Variants in AKT3 observed in about 807,000 individuals in gnomAD.
AKT3 encodes AKT serine/threonine kinase 3, also known as RAC-gamma serine/threonine-protein kinase.
A neutral mutation model predicts 65.3 loss-of-function variants in AKT3; 15 were observed. The ratio of observed to expected loss-of-function variants is 0.23; its 90% confidence interval spans 0.15 to 0.35. The LOEUF (loss-of-function observed/expected upper bound fraction) is 0.35. Among genes scored for constraint, AKT3 ranks in the 10% least tolerant of loss-of-function variants. AKT3 has a pLI of 1.00. For synonymous variants in AKT3, 206 were observed against 183.8 expected, an observed-to-expected ratio of 1.12 and a Z score of -0.98; for missense variants, 243 against 576.5, an observed-to-expected ratio of 0.42 and a Z score of 5.92.
At chr1:243,786,914 TAAAG>T (rs1272344471) in intron 2 of AKT3, among the ~76,000 whole-genome samples, 4 of 151,868 alleles carry the variant, frequency 2.6e-5, no homozygotes, top group Non-Finnish European at 5.9e-5. Flanking sequence ...AAAAGGAAAT[TAAAG>T]AAGGCAAAAA....
Position 243,786,014 on chromosome 1 carries a change from CAA to C in AKT3, c.46+57109_46+57110del, listed in dbSNP as rs5782268. Among the ~76,000 whole-genome samples the C allele has an allele frequency of 3.0e-3, 450 of 152,328 alleles. 17 individuals are homozygous for C. In the East Asian group the frequency reaches 0.075, roughly 25 times the overall value. ...AGAAAGGCCTATGCTTTATGAGCTT[CAA>C]GGTAAATACCTCTGTCCAGATCATT... On this transcript the variant is annotated intron_variant, in intron 2 of 13. Coordinates refer to ENST00000673466, the MANE Select transcript of AKT3 (RefSeq NM_005465.7).
intron 2 of AKT3, among the ~76,000 whole-genome samples, chr1:243,721,557 T>C (rs1686908115): frequency 6.6e-6 from 1 of 152,126 alleles, no homozygotes; most frequent in Admixed American, 6.5e-5. Context: ...TATTTTGTTA[T>C]AGGAGTGTTG....
intron 8 of AKT3, among the ~76,000 whole-genome samples, chr1:243,605,047 C>G (rs907467912): frequency 2.6e-5 from 4 of 152,124 alleles, no homozygotes; most frequent in Admixed American, 6.6e-5. Context: ...TCTTTAGAGA[C>G]AGGGTCTCAC....
At chr1:243,793,132 T>G (rs1213648622) in intron 2 of AKT3, 3 of 152,172 alleles carry the variant, frequency 2.0e-5, no homozygotes, top group African/African-American at 7.2e-5. Flanking sequence ...ACTGCCTGAG[T>G]CCACTCTCTA....
At chr1:243,578,551 A>G (rs1398548658) in intron 8 of AKT3, among the ~76,000 whole-genome samples, 2 of 152,146 alleles carry the variant, frequency 1.3e-5, no homozygotes, top group African/African-American at 4.8e-5. Flanking sequence ...CAAGGGAGGG[A>G]GATCATCAGG....
rs1019369320 is a variant in AKT3 at position 243,843,407 on chromosome 1, A to C, written c.-112-125T>G. On this transcript the variant is annotated intron_variant, in intron 1 of 13. Transcript: ENST00000673466. The stretch of plus-strand genomic sequence containing the variant: ...ACCTCACATAAAAGTCTGGCTCTTC[A>C]AACTGGGGAACTTATTTATTAAATA... The C allele has an allele frequency of 5.3e-6, 6 of 1,136,218 alleles. No homozygotes were observed. The African/African-American group carries it at 9.5e-5, about 18-fold the overall frequency. The allele number at this position is 1,136,218 out of a possible 1,614,324, so 70.4% of individuals were successfully genotyped here.
chr1:243,545,242 TAAAG>T (rs932818393), intron 12 of AKT3, among the ~76,000 whole-genome samples: 1 of 152,060 alleles, frequency 6.6e-6, no homozygotes, highest in Non-Finnish European at 1.5e-5. Flanking sequence ...TTATTAAAAT[TAAAG>T]AAATAATGAG....
At position 243,662,473 on chromosome 1, in the gene AKT3, A is replaced by G. The variant is rs911914826; in HGVS notation, c.284+2299T>C. Among the ~76,000 whole-genome samples, 56 of 148,704 alleles carry G rather than the reference A, an allele frequency of 3.8e-4. No individual in the cohort carries two copies. In the Middle Eastern group the frequency reaches 0.014, roughly 37 times the overall value. The stretch of plus-strand genomic sequence containing the variant: ...TCGCAAGGACAAAAAACCAAACACC[A>G]CATATTCTCACTCATAGGTGGGAAC... On this transcript the variant is annotated intron_variant, in intron 4 of 13. Transcript: ENST00000673466.
intron 8 of AKT3, among the ~76,000 whole-genome samples, chr1:243,591,618 A>G (rs929350940): frequency 1.3e-5 from 2 of 152,198 alleles, no homozygotes; most frequent in African/African-American, 4.8e-5. Flanking sequence ...AGATATAATT[A>G]CACGAATACC....
At chr1:243,779,825 G>T (rs2148304064) in intron 2 of AKT3, among the ~76,000 whole-genome samples, 1 of 152,176 alleles carries the variant, frequency 6.6e-6, no homozygotes, top group Middle Eastern at 3.4e-3. Flanking sequence ...CTCAAAAATT[G>T]ATGGAGACAT....
At chr1:243,700,876 G>A (rs1294653363) in intron 2 of AKT3, among the ~76,000 whole-genome samples, 1 of 152,110 alleles carries the variant, frequency 6.6e-6, no homozygotes, top group Non-Finnish European at 1.5e-5. Context: ...CCACCTAAAA[G>A]ATCTGGATAG....
chr1:243,613,281 C>T (rs373464442), intron 8 of AKT3, among the ~76,000 whole-genome samples: 10 of 151,418 alleles, frequency 6.6e-5, no homozygotes, highest in Admixed American at 5.3e-4. Flanking sequence ...TATTGTTCCA[C>T]TGAGTTTAGA....
At chr1:243,745,349 A>C (rs919554945) in intron 2 of AKT3, among the ~76,000 whole-genome samples, 1 of 152,182 alleles carries the variant, frequency 6.6e-6, no homozygotes, top group Non-Finnish European at 1.5e-5. Flanking sequence ...CAAAAATAAA[A>C]TAAGAGTATT....
chr1:243,536,677 C>T (rs1431300406), intron 12 of AKT3, among the ~76,000 whole-genome samples: 1 of 152,102 alleles, frequency 6.6e-6, no homozygotes, highest in East Asian at 1.9e-4. Context: ...AATTTGAAGG[C>T]TTTTAAAGCT....
In AKT3 at chr1:243,628,203, G is replaced by C. The variant is rs1356001479; in HGVS notation, c.561+9408C>G. Among the ~76,000 whole-genome samples, 4 of 152,182 alleles carry C rather than the reference G, an allele frequency of 2.6e-5. No individual in the cohort carries two copies. The East Asian group carries it at 5.8e-4, about 22-fold the overall frequency. On this transcript the variant is annotated intron_variant, in intron 6 of 13. Coordinates refer to ENST00000673466, the MANE Select transcript of AKT3 (RefSeq NM_005465.7). ...AATATCCATGTCTTGGGTAATGTCA[G>C]AGAAACACTCTAACGAGTACCAATA... is the stretch of plus-strand genomic sequence containing the variant.
chr1:243,719,155 T>C (rs940918701), intron 2 of AKT3, among the ~76,000 whole-genome samples: 1 of 152,192 alleles, frequency 6.6e-6, no homozygotes, highest in Non-Finnish European at 1.5e-5. Flanking sequence ...GCAAAAACAT[T>C]TGCAAGCTGC....
chr1:243,717,379 T>G (rs1347253818), intron 2 of AKT3, among the ~76,000 whole-genome samples: 5 of 152,186 alleles, frequency 3.3e-5, no homozygotes, highest in African/African-American at 1.2e-4. Context: ...CTGGAAGCAC[T>G]GGCAGACTCC....
At chr1:243,830,304 T>G in intron 2 of AKT3, among the ~76,000 whole-genome samples, 1 of 152,120 alleles carries the variant, frequency 6.6e-6, no homozygotes, top group African/African-American at 2.4e-5. Context: ...CACCATTTTA[T>G]GTAAGGGATT....
intron 4 of AKT3, among the ~76,000 whole-genome samples, chr1:243,659,607 T>A (rs535855511): frequency 1.3e-5 from 2 of 152,080 alleles, no homozygotes; most frequent in Admixed American, 1.3e-4. Context: ...AGCGCAAATA[T>A]GTATATGTGT....
Sources: allele counts gnomAD v4.1 joint callset (sites outside exome capture counted in the v4.1 genomes callset), GRCh38; gene constraint gnomAD v4.1.1; transcripts MANE v1.5; gene names NCBI Gene and HGNC (gene_info 2026-07-23, HGNC 2026-07-21).